The following SEC23IP variants were observed in gnomAD, a reference collection of about 807,000 sequenced individuals.
SEC23IP encodes the protein SEC23 interacting protein, also known as SEC23-interacting protein.
Under a neutral mutation model 113.4 loss-of-function variants are expected in SEC23IP, and 70 were observed. That is an observed-to-expected ratio of 0.62 (90% CI 0.51 to 0.75). SEC23IP has a LOEUF of 0.75. Among genes scored for constraint, SEC23IP ranks in the 30% least tolerant of loss-of-function variants. The pLI is 0.00. For synonymous variants in SEC23IP, 398 were observed against 421.0 expected (o/e 0.95, Z 0.67); for missense variants, 1,160 against 1,204.9 (o/e 0.96, Z 0.55).
intron 1 of SEC23IP, among the ~76,000 whole-genome samples, chr10:119,895,553 G>A (rs1029615618): frequency 1.3e-5 from 2 of 152,188 alleles, no homozygotes; most frequent in African/African-American, 4.8e-5. Context: ...GTTAGAAAGA[G>A]GGATTGATAG....
At chr10:119,900,020 G>GC (rs1346039548) in intron 2 of SEC23IP, among the ~76,000 whole-genome samples, 5 of 144,004 alleles carry the variant, frequency 3.5e-5, no homozygotes, top group Non-Finnish European at 6.0e-5. Context: ...TTCTCCTCCT[G>GC]CCCCTCCCTC....
intron 8 of SEC23IP, among the ~76,000 whole-genome samples, chr10:119,916,349 C>G (rs570640692): frequency 6.6e-6 from 1 of 152,268 alleles, no homozygotes; most frequent in East Asian, 1.9e-4. Flanking sequence ...CACTTAACTT[C>G]CTTAGTGTAA....
intron 13 of SEC23IP, 34 bp downstream of exon 13, chr10:119,926,261 C>G: frequency 4.5e-6 from 7 of 1,543,228 alleles, no homozygotes; most frequent in Non-Finnish European, 6.2e-6. Flanking sequence ...CTACATAGTT[C>G]ATGTTGGAAT....
intron 11 of SEC23IP, 121 bp downstream of exon 11, chr10:119,919,717 A>C (rs1855181899): frequency 1.3e-6 from 1 of 754,634 alleles, no homozygotes; most frequent in Non-Finnish European, 1.9e-6. Context: ...GAAATGTTTT[A>C]AAAAATTGAA....
At chr10:119,914,551 G>A (rs1031902434) in intron 6 of SEC23IP, 179 bp from the exon 7 acceptor site, 9 of 566,274 alleles carry the variant, frequency 1.6e-5, no homozygotes, top group Non-Finnish European at 2.9e-5. Context: ...GCTTTTATAT[G>A]CCAAGAGGGA....
In SEC23IP at chr10:119,944,405, A is replaced by G. The variant is rs1214205003; in HGVS notation, c.*3840A>G. ...AACCCCTTTTGTTTATAAATTGCCC[A>G]GTCTCAGGTAGTACCTTGATAGCAG... On this transcript the variant is annotated 3_prime_UTR_variant, in exon 19 of 19. Coordinates refer to ENST00000369075, the MANE Select transcript of SEC23IP (RefSeq NM_007190.4). The G allele has an allele frequency of 6.6e-6, 1 of 152,240 alleles. No homozygotes were observed. Among genetic ancestry groups the G allele is most frequent in the African/African-American group, 2.4e-5 (1 of 41,450 alleles). 9.4% of individuals were successfully genotyped at this position (152,240 alleles called of 1,614,324 possible). A position where few individuals can be genotyped will look rare whatever the true frequency, so the allele number is the denominator to read the frequency against.
intron 1 of SEC23IP, 98 bp downstream of exon 1, chr10:119,893,043 C>A: frequency 7.6e-7 from 1 of 1,323,438 alleles, no homozygotes; most frequent in Non-Finnish European, 1.0e-6. Context: ...CCTCGAGCTA[C>A]CCTCTGGATA....
chr10:119,916,001 G>T, intron 8 of SEC23IP, 112 bp downstream of exon 8: 3 of 895,016 alleles, frequency 3.4e-6, no homozygotes, highest in Non-Finnish European at 4.6e-6. Context: ...TTTAAAAATT[G>T]TATACTTCTG....
At chr10:119,900,748 C>T (rs949269780) in intron 2 of SEC23IP, among the ~76,000 whole-genome samples, 1 of 151,920 alleles carries the variant, frequency 6.6e-6, no homozygotes, top group African/African-American at 2.4e-5. Flanking sequence ...GTGTGAGCCA[C>T]CACACCTGTC....
intron 18 of SEC23IP, among the ~76,000 whole-genome samples, chr10:119,933,992 TA>T (rs1171216055): frequency 1.7e-4 from 26 of 152,252 alleles, no homozygotes; most frequent in Non-Finnish European, 2.4e-4. Flanking sequence ...TTTCTAAATT[TA>T]CATAGAATTT....
rs1344400929 is a variant in SEC23IP at position 119,943,374 on chromosome 10, C to T, written c.*2809C>T. The T allele has an allele frequency of 1.3e-5, 2 of 152,144 alleles. No homozygotes were observed. The highest frequency in any genetic ancestry group is 6.5e-5 in the Admixed American group (1 of 15,280). 9.4% of individuals were successfully genotyped at this position (152,144 alleles called of 1,614,324 possible). A position where few individuals can be genotyped will look rare whatever the true frequency, so the allele number is the denominator to read the frequency against. On this transcript the variant is annotated 3_prime_UTR_variant, in exon 19 of 19. Coordinates refer to ENST00000369075, the MANE Select transcript of SEC23IP (RefSeq NM_007190.4). ...GTGCACGGGACAGACTGTCAGCTAA[C>T]CTGTCTTCATGACATTTCTATAATA...
rs1214205041 is a variant in SEC23IP, at chr10:119,942,965, G to A, written c.*2400G>A. 1 of 152,166 alleles carries A rather than the reference G, an allele frequency of 6.6e-6. No homozygotes were observed. Among genetic ancestry groups the A allele is most frequent in the African/African-American group, 2.4e-5 (1 of 41,418 alleles). 9.4% of individuals were successfully genotyped at this position (152,166 alleles called of 1,614,324 possible). ...GAAAAGGAGGAGATGCCGCTATCTT[G>A]GCAGGGATGATCATGTATTTGAAAT... On this transcript the variant is annotated 3_prime_UTR_variant, in exon 19 of 19. Coordinates refer to ENST00000369075, the MANE Select transcript of SEC23IP (RefSeq NM_007190.4).
At chr10:119,927,429 G>A (rs1855457874) in intron 13 of SEC23IP, among the ~76,000 whole-genome samples, 1 of 152,196 alleles carries the variant, frequency 6.6e-6, no homozygotes, top group Non-Finnish European at 1.5e-5. Context: ...GAAACTTGGA[G>A]GGGAATCCTT....
chr10:119,933,550 C>A, intron 17 of SEC23IP, 136 bp from the exon 18 acceptor site: 2 of 617,600 alleles, frequency 3.2e-6, no homozygotes, highest in Non-Finnish European at 5.8e-6. Context: ...TTATTTATTA[C>A]ACTGAGATTA....
At chr10:119,896,580 A>T (rs1854290981) in intron 1 of SEC23IP, among the ~76,000 whole-genome samples, 1 of 152,232 alleles carries the variant, frequency 6.6e-6, no homozygotes, top group South Asian at 2.1e-4. Context: ...TGGAGTTGGG[A>T]GTGTCACAAA....
chr10:119,929,823 CT>C, intron 14 of SEC23IP, 61 bp downstream of exon 14: 2 of 1,275,122 alleles, frequency 1.6e-6, no homozygotes, highest in Non-Finnish European at 2.2e-6. Flanking sequence ...ACATTTTTTA[CT>C]TTTTTATAGA....
chr10:119,920,455 A>G (rs555982046), intron 11 of SEC23IP, among the ~76,000 whole-genome samples: 37 of 152,342 alleles, frequency 2.4e-4, no homozygotes, highest in African/African-American at 8.9e-4. Context: ...TCTAAGGTAC[A>G]TTTACATGAA....
rs1222456591 is a variant in SEC23IP, at chr10:119,932,307, A to G, written c.2747A>G (p.Gln916Arg). 3.7e-6 allele frequency: 6 copies of G among 1,610,546 alleles called. No homozygotes were observed. In the Admixed American group the frequency reaches 5.0e-5, roughly 14 times the overall value. The change falls in exon 16 of 19, where the codon CAA becomes CGA. Residue 916 changes from glutamine to arginine, a missense_variant. Physicochemically the swap from Gln to Arg is conservative, Grantham distance 43. Coordinates refer to ENST00000369075, the MANE Select transcript of SEC23IP (RefSeq NM_007190.4). ...CAGATCAAAGAAGAAGAAGAAAAGC[A>G]AGTAGTTGAAGGTAAATTTGACATT... is the stretch of plus-strand genomic sequence containing the variant. ...ANQIKEEEEK[Q>R]VVEAEKVVES...
In SEC23IP at chr10:119,942,193, GCAGAGAAGGAC is replaced by G. The variant is rs955738347; in HGVS notation, c.*1632_*1642del. 2 of 152,116 alleles carry G rather than the reference GCAGAGAAGGAC, an allele frequency of 1.3e-5. No individual in the cohort carries two copies. The highest frequency in any genetic ancestry group is 4.8e-5 in the African/African-American group (2 of 41,406). 9.4% of individuals were successfully genotyped at this position (152,116 alleles called of 1,614,324 possible). A position where few individuals can be genotyped will look rare whatever the true frequency, so the allele number is the denominator to read the frequency against. On this transcript the variant is annotated 3_prime_UTR_variant, in exon 19 of 19. Coordinates refer to ENST00000369075, the MANE Select transcript of SEC23IP (RefSeq NM_007190.4). ...ATTCAGCCTGTCTTCTGAGTAATGG[GCAGAGAAGGAC>G]CAGGGTTCGTAGAAGAAGCATGTGG...
Sources: gnomAD v4.1 joint callset for allele counts (sites outside exome capture counted in the v4.1 genomes callset) on GRCh38, gnomAD v4.1.1 for gene constraint, MANE v1.5 for transcripts, NCBI Gene and HGNC (gene_info 2026-07-23, HGNC 2026-07-21) for gene names.